The following SLC16A2 variants were observed in gnomAD, a reference collection of about 807,000 sequenced individuals.
SLC16A2 encodes the protein monocarboxylate transporter 8.
SLC16A2 carries 3 observed loss-of-function variants against 27.2 expected under a neutral mutation model. That is an observed-to-expected ratio of 0.11 (90% CI 0.05 to 0.28). The LOEUF is 0.28. Among genes scored for constraint, SLC16A2 ranks in the 10% least tolerant of loss-of-function variants. The pLI, the probability that SLC16A2 is intolerant of heterozygous loss-of-function variation, is 1.00. For missense variants in SLC16A2, 295 were observed against 458.5 expected (o/e 0.64, Z 3.26); for synonymous variants, 202 against 187.8 (o/e 1.08, Z -0.62).
chrX:74,474,177 A>G (rs1361020517), intron 1 of SLC16A2, among the ~76,000 whole-genome samples: 4 of 111,893 alleles, frequency 3.6e-5, no homozygotes, highest in Admixed American at 2.9e-4. Flanking sequence ...CCATCTTAAT[A>G]ATATTAAGTG....
chrX:74,524,127 C>T (rs1366299480), intron 2 of SLC16A2, among the ~76,000 whole-genome samples: 1 of 111,690 alleles, frequency 9.0e-6, no homozygotes, highest in Non-Finnish European at 1.9e-5. Context: ...CCAAGTTTTG[C>T]TGATTCCCAG....
chrX:74,421,669 C>A lies in SLC16A2; in HGVS notation c.32C>A (p.Ala11Glu). Residue 11 changes from alanine to glutamate, a missense_variant, in exon 1 of 6, where the codon GCA becomes GAA. Around this residue, in one of 3 missense-constraint regions of SLC16A2, gnomAD observed 92 missense variants for 85.1 expected, o/e 1.08. Transcript: ENST00000587091. ...CTGCAAAGCCAGGCGAGCGAGGAAG[C>A]AAAGGGGCCCTGGCAGGAGGCAGAC... MALQSQASEE[A>E]KGPWQEADQE... The A allele has an allele frequency of 8.3e-7, 1 of 1,201,992 alleles. No individual in the cohort carries two copies. The highest frequency in any genetic ancestry group is 1.1e-6 in the Non-Finnish European group (1 of 892,647).
intron 1 of SLC16A2, among the ~76,000 whole-genome samples, chrX:74,434,931 C>T (rs1476217138): frequency 1.5e-4 from 16 of 106,518 alleles, no homozygotes; most frequent in African/African-American, 5.2e-4. Context: ...TCAAGCGATT[C>T]TCCTGCCCCA....
chrX:74,512,712 C>G (rs1254752281), intron 1 of SLC16A2, among the ~76,000 whole-genome samples: 1 of 111,929 alleles, frequency 8.9e-6, no homozygotes, highest in Non-Finnish European at 1.9e-5. Flanking sequence ...TCCTGTACTT[C>G]AAAGACATTA....
intron 1 of SLC16A2, among the ~76,000 whole-genome samples, chrX:74,505,793 C>T (rs776074969): frequency 8.9e-6 from 1 of 111,957 alleles, no homozygotes; most frequent in Non-Finnish European, 1.9e-5. Flanking sequence ...GATAACCTGT[C>T]CCATTGGGGT....
At chrX:74,439,642 C>T (rs1928706243) in intron 1 of SLC16A2, among the ~76,000 whole-genome samples, 2 of 108,314 alleles carry the variant, frequency 1.8e-5, no homozygotes, top group African/African-American at 3.4e-5. Flanking sequence ...CCTTCCTGCC[C>T]TCTCTTTGCC....
intron 1 of SLC16A2, among the ~76,000 whole-genome samples, chrX:74,429,779 G>C (rs1039670576): frequency 8.9e-6 from 1 of 111,988 alleles, no homozygotes; most frequent in Admixed American, 9.5e-5. Context: ...CTATGAGACT[G>C]AGGTCACAGG....
chrX:74,440,624 G>C (rs1276884040), intron 1 of SLC16A2, among the ~76,000 whole-genome samples: 2 of 106,200 alleles, frequency 1.9e-5, no homozygotes, highest in Non-Finnish European at 3.9e-5. Flanking sequence ...AAGAGAGAGA[G>C]AGTCAATTGT....
At chrX:74,499,805 A>G (rs1432281365) in intron 1 of SLC16A2, among the ~76,000 whole-genome samples, 2 of 111,690 alleles carry the variant, frequency 1.8e-5, no homozygotes, top group Non-Finnish European at 3.8e-5. Flanking sequence ...GTATTATCCA[A>G]AAAACCACTA....
At chrX:74,520,758 C>G (rs1387555442) in intron 1 of SLC16A2, among the ~76,000 whole-genome samples, 1 of 111,823 alleles carries the variant, frequency 8.9e-6, no homozygotes, top group Non-Finnish European at 1.9e-5. Context: ...CTTAGCATCC[C>G]TGGAAAGGCC....
intron 1 of SLC16A2, among the ~76,000 whole-genome samples, chrX:74,464,592 A>G (rs1240855120): frequency 8.9e-6 from 1 of 111,868 alleles, no homozygotes; most frequent in Non-Finnish European, 1.9e-5. Flanking sequence ...ACCACTAAAT[A>G]TAATACCAAA....
chrX:74,519,235 T>C (rs775469631), intron 1 of SLC16A2, among the ~76,000 whole-genome samples: 5 of 108,369 alleles, frequency 4.6e-5, no homozygotes, highest in Non-Finnish European at 7.7e-5. Context: ...TGGAGCGCAG[T>C]GGTGAGATCT....
intron 1 of SLC16A2, among the ~76,000 whole-genome samples, chrX:74,446,536 T>C (rs754678630): frequency 1.3e-4 from 14 of 111,422 alleles, no homozygotes; most frequent in African/African-American, 4.2e-4. Context: ...TGGAAAGATC[T>C]CTTGAGCTGG....
intron 1 of SLC16A2, among the ~76,000 whole-genome samples, chrX:74,482,500 A>G (rs961646271): frequency 9.0e-6 from 1 of 111,044 alleles, no homozygotes; most frequent in Non-Finnish European, 1.9e-5. Flanking sequence ...TGTGTCCTCA[A>G]TCTTCTTCAA....
chrX:74,476,737 A>C (rs1027207222), intron 1 of SLC16A2, among the ~76,000 whole-genome samples: 2 of 111,977 alleles, frequency 1.8e-5, no homozygotes, highest in Non-Finnish European at 3.8e-5. Context: ...TGAGATAATC[A>C]TGTGGTTTTT....
intron 1 of SLC16A2, among the ~76,000 whole-genome samples, chrX:74,461,383 A>G (rs1929137747): frequency 9.8e-6 from 1 of 101,698 alleles, no homozygotes; most frequent in South Asian, 5.1e-4. Context: ...TGTGTTAGAA[A>G]AGGAGAGAAA....
intron 1 of SLC16A2, among the ~76,000 whole-genome samples, chrX:74,461,473 G>A (rs1929142776): frequency 1.8e-5 from 2 of 109,639 alleles, no homozygotes; most frequent in Admixed American, 2.0e-4. Context: ...AGGGAAAGAG[G>A]GAGAGGGAGA....
chrX:74,436,983 C>T (rs1169822134), intron 1 of SLC16A2, among the ~76,000 whole-genome samples: 2 of 112,532 alleles, frequency 1.8e-5, no homozygotes, highest in Admixed American at 1.9e-4. Context: ...ATTGGATAAT[C>T]CTGTACTGGC....
intron 1 of SLC16A2, among the ~76,000 whole-genome samples, chrX:74,460,268 C>G (rs776401020): frequency 9.7e-4 from 108 of 111,534 alleles, no homozygotes; most frequent in Middle Eastern, 9.2e-3. Context: ...TGGGCCTGTT[C>G]TTGGGAGACA....
Sources: allele counts gnomAD v4.1 joint callset (sites outside exome capture counted in the v4.1 genomes callset), GRCh38; gene constraint gnomAD v4.1.1; regional missense constraint gnomAD v4.1.1; transcripts MANE v1.5; gene names NCBI Gene and HGNC (gene_info 2026-07-23, HGNC 2026-07-21).